The following BMPR1B variants were observed in gnomAD, a reference collection of about 807,000 sequenced individuals.
The protein encoded by BMPR1B is bone morphogenetic protein receptor type-1B.
BMPR1B carries 12 observed loss-of-function variants against 59.1 expected under a neutral mutation model. That is an observed-to-expected ratio of 0.20 (90% CI 0.13 to 0.33). The LOEUF (loss-of-function observed/expected upper bound fraction) is 0.33. Among genes scored for constraint, BMPR1B ranks in the 10% least tolerant of loss-of-function variants. The probability of loss-of-function intolerance (pLI) is 1.00; values close to 1 mark genes in which losing one functional copy is unlikely to be tolerated. For synonymous variants in BMPR1B, 237 were observed against 207.3 expected (o/e 1.14, Z -1.23); for missense variants, 550 against 610.9 (o/e 0.90, Z 1.05).
At chr4:95,004,725 T>G (rs1183946908) in intron 3 of BMPR1B, among the ~76,000 whole-genome samples, 1 of 152,206 alleles carries the variant, frequency 6.6e-6, no homozygotes, top group Admixed American at 6.5e-5. Context: ...AGTAGTAGTT[T>G]AGCTTACTAA....
At chr4:95,112,737 A>G (rs1308018293) in intron 4 of BMPR1B, among the ~76,000 whole-genome samples, 1 of 152,046 alleles carries the variant, frequency 6.6e-6, no homozygotes, top group African/African-American at 2.4e-5. Flanking sequence ...GTGTATTTTT[A>G]AAGCTTGAAT....
chr4:95,104,726 T>C lies in BMPR1B; in HGVS notation c.143+159T>C, dbSNP rs903098696. Among the ~76,000 whole-genome samples, 9 of 152,104 alleles carry C rather than the reference T, an allele frequency of 5.9e-5. No homozygotes were observed. In the East Asian group the frequency reaches 7.7e-4, roughly 13 times the overall value. ...GTGCTTGTATTAGAGAAATATTGAATTGTGTTTCACCCTGAAACAATGTTC... is the reference window on the plus strand; with the variant it reads ...GTGCTTGTATTAGAGAAATATTGAACTGTGTTTCACCCTGAAACAATGTTC... On this transcript the variant is annotated intron_variant, in intron 4 of 12. Coordinates refer to ENST00000515059, the MANE Select transcript of BMPR1B (RefSeq NM_001203.3).
intron 2 of BMPR1B, among the ~76,000 whole-genome samples, chr4:94,914,744 C>G (rs559361266): frequency 6.6e-6 from 1 of 152,076 alleles, no homozygotes; most frequent in South Asian, 2.1e-4. Context: ...ATTCAGGAGT[C>G]AATTAGGGAA....
intron 1 of BMPR1B, among the ~76,000 whole-genome samples, chr4:94,813,418 G>A (rs1234858275): frequency 6.6e-6 from 1 of 152,172 alleles, no homozygotes; most frequent in Non-Finnish European, 1.5e-5. Flanking sequence ...AGGAACAGCA[G>A]GTGCCAGGAC....
chr4:95,153,242 G>A (rs1270335101), intron 12 of BMPR1B, among the ~76,000 whole-genome samples: 1 of 152,136 alleles, frequency 6.6e-6, no homozygotes, highest in Non-Finnish European at 1.5e-5. Context: ...AGGATGACGA[G>A]ATGTGATTTG....
At chr4:95,080,166 C>T (rs111915849) in intron 3 of BMPR1B, among the ~76,000 whole-genome samples, 8 of 152,238 alleles carry the variant, frequency 5.3e-5, no homozygotes, top group African/African-American at 1.9e-4. Context: ...ATACTCACTC[C>T]GTTCTCTTCC....
At chr4:95,086,890 A>G (rs1251613569) in intron 3 of BMPR1B, among the ~76,000 whole-genome samples, 1 of 152,092 alleles carries the variant, frequency 6.6e-6, no homozygotes, top group Non-Finnish European at 1.5e-5. Flanking sequence ...TATGAAAGAG[A>G]GAAGATTTTG....
intron 2 of BMPR1B, among the ~76,000 whole-genome samples, chr4:94,896,280 T>C (rs780376674): frequency 2.0e-5 from 3 of 151,974 alleles, no homozygotes; most frequent in Non-Finnish European, 4.4e-5. Context: ...AGCCCAAGAG[T>C]ACATTATTTT....
chr4:94,916,636 A>G (rs1728493926), intron 2 of BMPR1B, among the ~76,000 whole-genome samples: 2 of 152,254 alleles, frequency 1.3e-5, no homozygotes. Context: ...ATTGGAATTT[A>G]TATTTCAACA....
intron 2 of BMPR1B, among the ~76,000 whole-genome samples, chr4:94,920,374 A>G (rs1418122550): frequency 6.6e-6 from 1 of 152,200 alleles, no homozygotes; most frequent in Non-Finnish European, 1.5e-5. Context: ...TATATTAATT[A>G]TACAGCTAGT....
chr4:94,875,229 G>C (rs1726674099), intron 1 of BMPR1B, among the ~76,000 whole-genome samples: 1 of 152,152 alleles, frequency 6.6e-6, no homozygotes, highest in Non-Finnish European at 1.5e-5. Context: ...TAAAAAGTTA[G>C]AACTTTGTTA....
At chr4:95,114,358 A>T (rs564324081) in intron 4 of BMPR1B, among the ~76,000 whole-genome samples, 1 of 152,148 alleles carries the variant, frequency 6.6e-6, no homozygotes, top group African/African-American at 2.4e-5. Flanking sequence ...TTCCTCACAG[A>T]GTTTGTCTGG....
At chr4:94,869,489 A>G (rs1049806332) in intron 1 of BMPR1B, among the ~76,000 whole-genome samples, 5 of 152,176 alleles carry the variant, frequency 3.3e-5, no homozygotes, top group Non-Finnish European at 5.9e-5. Flanking sequence ...TACTTTGTCT[A>G]AATGTTTATG....
At chr4:94,830,203 A>C (rs1724526216) in intron 1 of BMPR1B, among the ~76,000 whole-genome samples, 1 of 152,128 alleles carries the variant, frequency 6.6e-6, no homozygotes, top group African/African-American at 2.4e-5. Flanking sequence ...CAGCTTCAAA[A>C]GGGAAAATTC....
At chr4:94,851,425 A>C (rs1725562923) in intron 1 of BMPR1B, among the ~76,000 whole-genome samples, 1 of 152,182 alleles carries the variant, frequency 6.6e-6, no homozygotes, top group African/African-American at 2.4e-5. Context: ...AGTAGATACT[A>C]AGTAGACACA....
chr4:95,130,019 A>T lies in BMPR1B; in HGVS notation c.743A>T (p.Tyr248Phe). 1.2e-6 allele frequency: 2 copies of T among 1,613,978 alleles called. No individual in the cohort carries two copies. Among genetic ancestry groups the T allele is most frequent in the African/African-American group, 1.3e-5 (1 of 75,040 alleles). Reference sequence around the variant, plus strand: ...AGCTGGTTCAGAGAGACAGAAATATATCAGACAGTGTTGATGAGGCATGAA... The same window carrying T: ...AGCTGGTTCAGAGAGACAGAAATATTTCAGACAGTGTTGATGAGGCATGAA... Reference protein sequence around the residue: ...EASWFRETEIYQTVLMRHENI... With the variant: ...EASWFRETEIFQTVLMRHENI... The change falls in exon 9 of 13, where the codon TAT becomes TTT. Residue 248 changes from tyrosine to phenylalanine, a missense_variant. Tyr to Phe is a conservative substitution (Grantham distance 22). Coordinates refer to ENST00000515059, the MANE Select transcript of BMPR1B (RefSeq NM_001203.3).
intron 8 of BMPR1B, among the ~76,000 whole-genome samples, chr4:95,126,384 C>T (rs1732904319): frequency 6.6e-6 from 1 of 152,166 alleles, no homozygotes; most frequent in Non-Finnish European, 1.5e-5. Flanking sequence ...ATATTTGGCT[C>T]ACATCATATA....
intron 1 of BMPR1B, among the ~76,000 whole-genome samples, chr4:94,794,278 C>G (rs1247947083): frequency 6.7e-6 from 1 of 149,824 alleles, no homozygotes; most frequent in Non-Finnish European, 1.5e-5. Context: ...AATAGGGAAT[C>G]CTTTCCCCAT....
At chr4:95,149,067 T>G (rs1734849049) in intron 11 of BMPR1B, 144 bp downstream of exon 11, 1 of 1,067,988 alleles carries the variant, frequency 9.4e-7, no homozygotes, top group South Asian at 1.3e-5. Flanking sequence ...TCATAGTGCT[T>G]CCAGGAAATT....
Sources: gnomAD v4.1 joint callset for allele counts (sites outside exome capture counted in the v4.1 genomes callset) on GRCh38, gnomAD v4.1.1 for gene constraint, MANE v1.5 for transcripts, NCBI Gene and HGNC (gene_info 2026-07-23, HGNC 2026-07-21) for gene names.